The following KIAA1549L variants were observed in gnomAD, a reference collection of about 807,000 sequenced individuals.
KIAA1549L encodes the protein KIAA1549 like.
A neutral mutation model predicts 160.7 loss-of-function variants in KIAA1549L; 88 were observed. That is an observed-to-expected ratio of 0.55 (90% CI 0.46 to 0.65). The LOEUF is 0.65. KIAA1549L is among the 30% of genes least tolerant of loss of function. The pLI is 0.00. For missense variants in KIAA1549L, 2,258 were observed against 2,437.5 expected, an observed-to-expected ratio of 0.93 and a Z score of 1.55; for synonymous variants, 950 against 976.7, an observed-to-expected ratio of 0.97 and a Z score of 0.51.
At chr11:33,459,916 C>A (rs1040794208) in intron 1 of KIAA1549L, among the ~76,000 whole-genome samples, 1 of 139,470 alleles carries the variant, frequency 7.2e-6, no homozygotes, top group Non-Finnish European at 1.5e-5. Context: ...AGCCGAGATC[C>A]CGCCACTGCA....
intron 13 of KIAA1549L, among the ~76,000 whole-genome samples, chr11:33,605,372 G>A (rs368630577): frequency 1.3e-5 from 2 of 152,066 alleles, no homozygotes; most frequent in East Asian, 3.9e-4. Context: ...GCAGATAATG[G>A]TGGCCAGGCC....
At chr11:33,621,946 A>T (rs1309817654) in intron 16 of KIAA1549L, among the ~76,000 whole-genome samples, 4 of 152,244 alleles carry the variant, frequency 2.6e-5, no homozygotes, top group African/African-American at 7.2e-5. Context: ...AAATGAATGA[A>T]GTAGGGACTT....
intron 1 of KIAA1549L, among the ~76,000 whole-genome samples, chr11:33,525,933 C>T (rs771596229): frequency 1.2e-4 from 19 of 152,016 alleles, no homozygotes; most frequent in South Asian, 1.0e-3. Context: ...GAGAACCACC[C>T]GCACCGCTGC....
At chr11:33,507,666 C>T (rs1262780725) in intron 1 of KIAA1549L, among the ~76,000 whole-genome samples, 1 of 152,144 alleles carries the variant, frequency 6.6e-6, no homozygotes, top group Non-Finnish European at 1.5e-5. Context: ...GATACTCCTC[C>T]CTACCTGACA....
In KIAA1549L at chr11:33,457,611, T is replaced by A. The variant is rs138558742; in HGVS notation, c.238+80722T>A. On this transcript the variant is annotated intron_variant, in intron 1 of 20. Coordinates refer to ENST00000658780, the MANE Select transcript of KIAA1549L (RefSeq NM_012194.3). ...TTGGGAGAAAAGACTGAAATATAGG[T>A]TCAGTCTGGATTACAGGGAATCTAT... 9.8e-3 allele frequency among the ~76,000 whole-genome samples: 1,498 copies of A among 152,240 alleles called. 23 individuals are homozygous for A. Among genetic ancestry groups the A allele is most frequent in the South Asian group, 0.04 (192 of 4,814 alleles).
At chr11:33,504,176 G>A (rs753042989) in intron 1 of KIAA1549L, among the ~76,000 whole-genome samples, 4 of 152,066 alleles carry the variant, frequency 2.6e-5, no homozygotes, top group Non-Finnish European at 5.9e-5. Flanking sequence ...CAGGAGAATT[G>A]CTCGAACCGG....
intron 1 of KIAA1549L, among the ~76,000 whole-genome samples, chr11:33,495,621 T>TA (rs1852799327): frequency 6.6e-6 from 1 of 152,220 alleles, no homozygotes; most frequent in African/African-American, 2.4e-5. Context: ...GCATGATTTA[T>TA]AGTCCTTTGG....
intron 5 of KIAA1549L, among the ~76,000 whole-genome samples, chr11:33,551,865 AATC>A (rs1384727876): frequency 6.6e-6 from 1 of 152,068 alleles, no homozygotes; most frequent in Non-Finnish European, 1.5e-5. Flanking sequence ...AATCAAATAA[AATC>A]ATAAAATCTT....
chr11:33,617,607 C>T (rs1208088194), intron 15 of KIAA1549L, among the ~76,000 whole-genome samples: 6 of 152,142 alleles, frequency 3.9e-5, no homozygotes, highest in Admixed American at 2.6e-4. Context: ...TCCTAGTCCC[C>T]GTTTGTCACA....
chr11:33,530,423 AAAAAAAAAAAAAAATATATATATAT>A (rs1209711861), intron 1 of KIAA1549L, among the ~76,000 whole-genome samples: 10 of 14,820 alleles, frequency 6.7e-4, no homozygotes, highest in African/African-American at 5.4e-4. Flanking sequence ...GGAAAAAAAA[AAAAAAAAAAAAAAATATATATATAT>A]ATATATATAT....
chr11:33,411,628 A>C (rs772189409), intron 1 of KIAA1549L, among the ~76,000 whole-genome samples: 2 of 152,200 alleles, frequency 1.3e-5, no homozygotes, highest in African/African-American at 2.4e-5. Flanking sequence ...GTGAAATTCA[A>C]ATGGCAGGGA....
At chr11:33,553,446 G>C (rs1183770664) in intron 6 of KIAA1549L, among the ~76,000 whole-genome samples, 2 of 152,050 alleles carry the variant, frequency 1.3e-5, no homozygotes, top group Non-Finnish European at 2.9e-5. Context: ...TTTGTAATTA[G>C]ACCCAGTGGT....
At chr11:33,475,910 A>G (rs1852275903) in intron 1 of KIAA1549L, among the ~76,000 whole-genome samples, 1 of 151,852 alleles carries the variant, frequency 6.6e-6, no homozygotes, top group South Asian at 2.1e-4. Context: ...CCTGCCCCCC[A>G]CCCAACTCCC....
At chr11:33,478,821 C>T (rs187519946) in intron 1 of KIAA1549L, among the ~76,000 whole-genome samples, 79 of 152,348 alleles carry the variant, frequency 5.2e-4, no homozygotes, top group African/African-American at 1.8e-3. Context: ...ACTGCAACCT[C>T]TGCCTTTCAC....
chr11:33,428,507 G>A, intron 1 of KIAA1549L, among the ~76,000 whole-genome samples: 1 of 151,368 alleles, frequency 6.6e-6, no homozygotes, highest in East Asian at 1.9e-4. Context: ...GTATCCAAGT[G>A]TTCTCACTGT....
intron 16 of KIAA1549L, among the ~76,000 whole-genome samples, chr11:33,638,418 T>TA (rs1206356477): frequency 0.05 from 567 of 11,352 alleles, 2 homozygotes; most frequent in Non-Finnish European, 0.059. Context: ...TTCTCTAAAA[T>TA]AAATAAAAAA....
intron 14 of KIAA1549L, among the ~76,000 whole-genome samples, chr11:33,608,325 T>C (rs1850562020): frequency 6.6e-6 from 1 of 152,258 alleles, no homozygotes; most frequent in Non-Finnish European, 1.5e-5. Context: ...ATGATGATTA[T>C]TATTATTACT....
chr11:33,499,693 G>C (rs920014190), intron 1 of KIAA1549L, among the ~76,000 whole-genome samples: 2 of 152,156 alleles, frequency 1.3e-5, no homozygotes, highest in Non-Finnish European at 2.9e-5. Flanking sequence ...CTTAGATCCA[G>C]CCCATCATTT....
intron 1 of KIAA1549L, among the ~76,000 whole-genome samples, chr11:33,452,387 C>T (rs974466869): frequency 1.3e-5 from 2 of 152,192 alleles, no homozygotes; most frequent in Non-Finnish European, 2.9e-5. Context: ...GCAGGTGGAT[C>T]ATGAGGTCAG....
Sources: allele counts gnomAD v4.1 joint callset (sites outside exome capture counted in the v4.1 genomes callset), GRCh38; gene constraint gnomAD v4.1.1; transcripts MANE v1.5; gene names NCBI Gene and HGNC (gene_info 2026-07-23, HGNC 2026-07-21).